The following CFAP74 variants were observed in gnomAD, a reference collection of about 807,000 sequenced individuals.
CFAP74 encodes cilia and flagella associated protein 74.
CFAP74 carries 124 observed loss-of-function variants against 188.9 expected under a neutral mutation model. The ratio of observed to expected loss-of-function variants is 0.66; its 90% CI spans 0.57 to 0.76. The LOEUF is 0.76. CFAP74 is among the 30% of genes least tolerant of loss of function. The pLI, the probability that CFAP74 is intolerant of heterozygous loss-of-function variation, is 0.00. For missense variants in CFAP74, 2,198 were observed against 2,165.2 expected (o/e 1.02, Z -0.30); for synonymous variants, 956 against 916.7 (o/e 1.04, Z -0.77).
At chr1:1,979,428 G>A in intron 6 of CFAP74, among the ~76,000 whole-genome samples, 1 of 144,322 alleles carries the variant, frequency 6.9e-6, no homozygotes, top group Non-Finnish European at 1.5e-5. Flanking sequence ...GTGTGGTACT[G>A]AGCTGGGCGT....
Position 1,973,180 on chromosome 1 carries a change from C to G in CFAP74, c.675-133G>C. 1.6e-6 allele frequency: 1 copy of G among 642,448 alleles called. No individual in the cohort carries two copies. The allele number at this position is 642,448 out of a possible 1,614,324, so 39.8% of individuals were successfully genotyped here. ...CGCTCAGCTCTGTCCCGCACAGCCT[C>G]CCTTGGGGAGGAGCGAGGGTCCCTG... On this transcript the variant is annotated intron_variant, in intron 7 of 38. Coordinates refer to ENST00000682832, the MANE Select transcript of CFAP74 (RefSeq NM_001304360.2). The surrounding 1 kb of genome is among the most constrained non-coding windows in gnomAD (Gnocchi z 6.2).
chr1:1,964,651 G>A (rs945807226), intron 13 of CFAP74, among the ~76,000 whole-genome samples: 7 of 152,214 alleles, frequency 4.6e-5, no homozygotes, highest in Non-Finnish European at 8.8e-5. Context: ...TTAGCCAGGC[G>A]TGGTGGCAGG....
chr1:1,924,028 C>T, intron 34 of CFAP74, 99 bp from the exon 35 acceptor site: 2 of 1,279,024 alleles, frequency 1.6e-6, no homozygotes, highest in Admixed American at 4.9e-5. Flanking sequence ...GCCCGCCCCC[C>T]TGCAGAGCCC....
At chr1:1,993,866 C>T (rs1657755797) in intron 1 of CFAP74, among the ~76,000 whole-genome samples, 1 of 150,970 alleles carries the variant, frequency 6.6e-6, no homozygotes, top group South Asian at 2.1e-4. Flanking sequence ...CCTATAGTCC[C>T]AGCTACTCGG....
chr1:1,930,424 A>G lies in CFAP74; in HGVS notation c.3012-88T>C, dbSNP rs1022648084. The G allele has an allele frequency of 8.5e-5, 113 of 1,325,446 alleles. No homozygotes were observed. In the African/African-American group the frequency reaches 1.6e-3, roughly 19 times the overall value. 82.1% of individuals were successfully genotyped at this position (1,325,446 alleles called of 1,614,324 possible). On this transcript the variant is annotated intron_variant, in intron 25 of 38. Coordinates refer to ENST00000682832, the MANE Select transcript of CFAP74 (RefSeq NM_001304360.2). ...CGCGGGGGCCACTGGGTGGAGGACAAGCCCCGGGGGGGGCTCACAGGGACA... is the reference window on the plus strand; with the variant it reads ...CGCGGGGGCCACTGGGTGGAGGACAGGCCCCGGGGGGGGCTCACAGGGACA...
chr1:1,927,635 C>T lies in CFAP74; in HGVS notation c.3499G>A (p.Glu1167Lys), dbSNP rs1480671943. The T allele has an allele frequency of 1.9e-6, 3 of 1,550,150 alleles. No individual in the cohort carries two copies. The highest frequency in any genetic ancestry group is 4.9e-5 in the East Asian group (2 of 40,922). Residue 1167 changes from glutamate (E) to lysine (K), a missense_variant, in exon 28 of 39, where the codon GAG becomes AAG. Glu to Lys is a moderately conservative substitution (Grantham distance 56). Transcript: ENST00000682832. ...GGCCTCAGCTCCCGCTTCCGCATCTCCAGGACGTGGGGGACAGAGACTTTG... is the reference window on the plus strand; with the variant it reads ...GGCCTCAGCTCCCGCTTCCGCATCTTCAGGACGTGGGGGACAGAGACTTTG... The part of the protein sequence containing the change: ...LFKVSVPHVL[E>K]MRKRELRPSS...
At position 1,925,790 on chromosome 1, in the gene CFAP74, C is replaced by G. The variant is rs1038425341; in HGVS notation, c.4097G>C (p.Gly1366Ala). 6.2e-7 allele frequency: 1 copy of G among 1,611,596 alleles called. No homozygotes were observed. Among genetic ancestry groups the G allele is most frequent in the East Asian group, 2.2e-5 (1 of 44,874 alleles). Residue 1366 changes from glycine (G) to alanine (A), a missense_variant, in exon 33 of 39, where the codon GGC (glycine) becomes GCC (alanine). Transcript: ENST00000682832. Reference protein sequence around the residue: ...YVIAGESVSSGFKLQNNSLLP... With the variant: ...YVIAGESVSSAFKLQNNSLLP... ...GGCCCACGTGTGCTTCACCTTGAAG[C>G]CTGAGGACACAGACTCTCCGGCAAT...
rs989980604 is a variant in CFAP74 at position 1,944,332 on chromosome 1, G to A, written c.2485C>T (p.Arg829Trp). Residue 829 changes from arginine to tryptophan, a missense_variant and splice_region_variant, in exon 21 of 39, where the codon CGG becomes TGG. Physicochemically the swap from Arg to Trp is moderately radical, Grantham distance 101. Coordinates refer to ENST00000682832, the MANE Select transcript of CFAP74 (RefSeq NM_001304360.2). ...GTGCATGGACAGGAGGGGGCTCACC[G>A]CGTGTGCACGAGCACAGAGTCCTGG... ...LYQDSVLVHTRSKAALRLKFE... is the reference protein window; with the variant it reads ...LYQDSVLVHTWSKAALRLKFE... 52 of 1,535,014 alleles carry A rather than the reference G, an allele frequency of 3.4e-5. No homozygotes were observed. In the African/African-American group the frequency reaches 4.1e-4, roughly 12 times the overall value.
Position 1,959,087 on chromosome 1 carries a change from G to A in CFAP74, c.1851+33C>T, listed in dbSNP as rs766391370. 80 of 1,503,444 alleles carry A rather than the reference G, an allele frequency of 5.3e-5. 1 individual carries two copies. In the Middle Eastern group the frequency reaches 1.2e-3, roughly 22 times the overall value. The allele number at this position is 1,503,444 out of a possible 1,614,324, so 93.1% of individuals were successfully genotyped here. ...CTGGGGTTCCCAGCCAGCATGCCCC[G>A]AGAAATGCTGGCTCGGACACCTTTG... On this transcript the variant is annotated intron_variant, in intron 16 of 38. Transcript: ENST00000682832.
intron 19 of CFAP74, 75 bp from the exon 20 acceptor site, chr1:1,946,514 C>A: frequency 6.9e-7 from 1 of 1,447,550 alleles, no homozygotes; most frequent in South Asian, 1.4e-5. Flanking sequence ...CTCACAATGG[C>A]ATGTTGCTGC....
At chr1:1,976,187 C>T (rs1656429867) in intron 6 of CFAP74, among the ~76,000 whole-genome samples, 1 of 152,250 alleles carries the variant, frequency 6.6e-6, no homozygotes, top group South Asian at 2.1e-4. Flanking sequence ...CCTCTTCCTG[C>T]CGTCACCTCC....
intron 1 of CFAP74, among the ~76,000 whole-genome samples, chr1:1,996,700 C>A (rs76211778): frequency 6.6e-6 from 1 of 151,928 alleles, no homozygotes; most frequent in Non-Finnish European, 1.5e-5. Context: ...GCGGGTGGAT[C>A]ACTTGAGGTC....
rs751400335 is a variant in CFAP74 at position 1,922,301 on chromosome 1, A to G, written c.4906T>C (p.Leu1636=). 4 of 1,608,436 alleles carry G rather than the reference A, an allele frequency of 2.5e-6. No homozygotes were observed. The South Asian group carries it at 3.3e-5, about 13-fold the overall frequency. ...TYKVIFVAQV[L]TGP is the part of the protein sequence containing the mutation. ...TGTGCAGAGGCTTAGGGGCCAGTCA[A>G]CACCTGGGCTACAAAGATGACCTTG... The change falls in exon 39 of 39, where the codon TTG becomes CTG. Residue 1636 remains leucine, a synonymous_variant. Transcript: ENST00000682832.
intron 6 of CFAP74, among the ~76,000 whole-genome samples, chr1:1,976,421 G>A (rs558528413): frequency 2.0e-5 from 3 of 152,140 alleles, no homozygotes; most frequent in East Asian, 1.9e-4. Flanking sequence ...TGGGAGACAC[G>A]GCTCCTTCCC....
rs772814690 is a variant in CFAP74, at chr1:1,970,832, C to T, written c.889-16G>A. The T allele has an allele frequency of 2.5e-6, 4 of 1,613,148 alleles. No individual in the cohort carries two copies. The highest frequency in any genetic ancestry group is 3.4e-6 in the Non-Finnish European group (4 of 1,179,532). On this transcript the variant is annotated splice_polypyrimidine_tract_variant and intron_variant, in intron 9 of 38. Coordinates refer to ENST00000682832, the MANE Select transcript of CFAP74 (RefSeq NM_001304360.2). Reference sequence around the variant, plus strand: ...GCAGTGTGTCCTTGGAAACAGAGAGCACTGAGATGACAGCAGCAGCACCCA... The same window carrying T: ...GCAGTGTGTCCTTGGAAACAGAGAGTACTGAGATGACAGCAGCAGCACCCA...
chr1:1,926,538 C>A, intron 30 of CFAP74, 26 bp from the exon 31 acceptor site: 1 of 1,549,568 alleles, frequency 6.5e-7, no homozygotes, highest in East Asian at 2.4e-5. Flanking sequence ...GAGCGTCAGG[C>A]CCCAGCCCCA....
At chr1:1,989,855 A>G (rs1657469342) in intron 2 of CFAP74, among the ~76,000 whole-genome samples, 1 of 152,190 alleles carries the variant, frequency 6.6e-6, no homozygotes, top group Non-Finnish European at 1.5e-5. Flanking sequence ...GATGGTTCTC[A>G]AAGCAAAATC....
At position 1,923,222 on chromosome 1, in the gene CFAP74, T is replaced by C; in HGVS notation, c.4523-77A>G. ...TGAGGCTGCAGCTGGACTCCTGAACTCTGGTTAGCAGTGGCTGTCCTGCTT... is the reference window on the plus strand; with the variant it reads ...TGAGGCTGCAGCTGGACTCCTGAACCCTGGTTAGCAGTGGCTGTCCTGCTT... On this transcript the variant is annotated intron_variant, in intron 36 of 38. Transcript: ENST00000682832. The surrounding 1 kb of genome is among the most constrained non-coding windows in gnomAD (Gnocchi z 6.3). The C allele has an allele frequency of 1.3e-6, 2 of 1,511,894 alleles. No individual in the cohort carries two copies. The highest frequency in any genetic ancestry group is 1.8e-6 in the Non-Finnish European group (2 of 1,124,146). 93.7% of individuals were successfully genotyped at this position (1,511,894 alleles called of 1,614,324 possible).
intron 24 of CFAP74, 38 bp downstream of exon 24, chr1:1,939,556 C>G (rs1321369528): frequency 2.0e-6 from 3 of 1,518,760 alleles, no homozygotes; most frequent in Non-Finnish European, 2.6e-6. Flanking sequence ...ACTTCCCAGC[C>G]TCACCCCTCT....
Sources: gnomAD v4.1 joint callset for allele counts (sites outside exome capture counted in the v4.1 genomes callset) on GRCh38, gnomAD v4.1.1 for gene constraint, Gnocchi (gnomAD v3.1) non-coding constraint, MANE v1.5 for transcripts, NCBI Gene and HGNC (gene_info 2026-07-23, HGNC 2026-07-21) for gene names.